COBLL1: variants seen among roughly 807,000 people sequenced by gnomAD.
The protein encoded by COBLL1 is cordon-bleu WH2 repeat protein like 1.
Under a neutral mutation model 94.8 loss-of-function variants are expected in COBLL1, and 50 were observed. The observed-to-expected ratio is 0.53, with a 90% CI of 0.42 to 0.67. COBLL1 has a LOEUF of 0.67. Among genes scored for constraint, COBLL1 ranks in the 30% least tolerant of loss-of-function variants. The pLI, the probability that COBLL1 is intolerant of heterozygous loss-of-function variation, is 0.00. For missense variants in COBLL1, 1,362 were observed against 1,348.7 expected, an observed-to-expected ratio of 1.01 and a Z score of -0.15; for synonymous variants, 448 against 473.8, an observed-to-expected ratio of 0.95 and a Z score of 0.71.
chr2:164,805,519 C>T (rs6709273), intron 2 of COBLL1, among the ~76,000 whole-genome samples: 5,146 of 148,462 alleles, frequency 0.035, 291 homozygotes, highest in African/African-American at 0.12. Context: ...TTCCGCATCT[C>T]AAATCCCTAG....
At chr2:164,780,146 T>G (rs1380351157) in intron 2 of COBLL1, among the ~76,000 whole-genome samples, 1 of 152,154 alleles carries the variant, frequency 6.6e-6, no homozygotes, top group Non-Finnish European at 1.5e-5. Flanking sequence ...AAGCTATCTG[T>G]GTGACCTGGA....
At chr2:164,781,104 G>A (rs902031398) in intron 2 of COBLL1, among the ~76,000 whole-genome samples, 2 of 152,102 alleles carry the variant, frequency 1.3e-5, no homozygotes, top group East Asian at 1.9e-4. Flanking sequence ...AAAGTTTACT[G>A]CTTCAAAATC....
At chr2:164,727,011 C>T (rs547410467) in intron 5 of COBLL1, 27 of 566,758 alleles carry the variant, frequency 4.8e-5, no homozygotes, top group Non-Finnish European at 7.5e-5. Context: ...AGAATGAACA[C>T]GTTAGTGATG....
At chr2:164,787,026 A>G (rs989253998) in intron 2 of COBLL1, among the ~76,000 whole-genome samples, 4 of 152,120 alleles carry the variant, frequency 2.6e-5, no homozygotes, top group Non-Finnish European at 5.9e-5. Flanking sequence ...ATTAACAACC[A>G]TTCCTTCGCC....
At chr2:164,773,128 A>G (rs1688290203) in intron 2 of COBLL1, among the ~76,000 whole-genome samples, 1 of 96,712 alleles carries the variant, frequency 1.0e-5, no homozygotes, top group Admixed American at 9.0e-5. Flanking sequence ...CAGGGGAAAG[A>G]GTGCCAATCT....
chr2:164,705,987 T>C (rs186258345), intron 7 of COBLL1, among the ~76,000 whole-genome samples: 49 of 152,296 alleles, frequency 3.2e-4, no homozygotes, highest in Admixed American at 6.5e-4. Context: ...TGAGCCAAGA[T>C]TGCGCCATTG....
intron 2 of COBLL1, among the ~76,000 whole-genome samples, chr2:164,827,330 T>G (rs756641628): frequency 6.6e-6 from 1 of 152,190 alleles, no homozygotes; most frequent in African/African-American, 2.4e-5. Context: ...GTCGATTTGT[T>G]GCCAAAAACA....
At chr2:164,745,731 G>T (rs555570849) in intron 2 of COBLL1, among the ~76,000 whole-genome samples, 36 of 152,224 alleles carry the variant, frequency 2.4e-4, no homozygotes, top group African/African-American at 8.4e-4. Flanking sequence ...GGGTTTTGGA[G>T]AATGAATAGA....
chr2:164,717,244 TAAA>T (rs1685215518), intron 7 of COBLL1, among the ~76,000 whole-genome samples: 1 of 152,200 alleles, frequency 6.6e-6, no homozygotes, highest in South Asian at 2.1e-4. Context: ...CAATAAAAAT[TAAA>T]TAAAAGTGTC....
intron 5 of COBLL1, chr2:164,722,793 A>AT (rs1415082212): frequency 5.1e-6 from 1 of 196,804 alleles, no homozygotes; most frequent in African/African-American, 2.3e-5. Context: ...CACAAACTCA[A>AT]TTTTTTTGAC....
At chr2:164,812,733 G>A (rs1371904908) in intron 2 of COBLL1, among the ~76,000 whole-genome samples, 1 of 151,922 alleles carries the variant, frequency 6.6e-6, no homozygotes, top group Non-Finnish European at 1.5e-5. Context: ...ATATATTAGA[G>A]TACGCATTTG....
chr2:164,777,058 A>G (rs1177320499), intron 2 of COBLL1, among the ~76,000 whole-genome samples: 1 of 152,144 alleles, frequency 6.6e-6, no homozygotes, highest in Non-Finnish European at 1.5e-5. Context: ...AAAATTAGTG[A>G]TTATTAACTC....
chr2:164,763,271 G>GA (rs748179334), intron 2 of COBLL1, among the ~76,000 whole-genome samples: 5 of 149,202 alleles, frequency 3.4e-5, no homozygotes, highest in African/African-American at 7.5e-5. Context: ...TATCAGGTTT[G>GA]AAAAAAATGT....
At chr2:164,823,526 C>G (rs1001167675) in intron 2 of COBLL1, among the ~76,000 whole-genome samples, 1 of 152,144 alleles carries the variant, frequency 6.6e-6, no homozygotes, top group Non-Finnish European at 1.5e-5. Context: ...ACCAGAACTC[C>G]TCATGTGTCC....
intron 2 of COBLL1, among the ~76,000 whole-genome samples, chr2:164,808,205 G>C (rs1684288073): frequency 6.6e-6 from 1 of 152,144 alleles, no homozygotes. Flanking sequence ...CTTTCCTTCT[G>C]ACCCAATCTG....
chr2:164,671,813 T>G (rs1558904099), intron 1 of COBLL1, among the ~76,000 whole-genome samples: 4 of 152,108 alleles, frequency 2.6e-5, no homozygotes, highest in Admixed American at 6.5e-5. Flanking sequence ...ATGGACTCAT[T>G]AACCTCCTAG....
At chr2:164,757,921 T>G (rs1006561113) in intron 2 of COBLL1, among the ~76,000 whole-genome samples, 4 of 152,082 alleles carry the variant, frequency 2.6e-5, no homozygotes, top group Non-Finnish European at 5.9e-5. Context: ...GGATGTTTAC[T>G]TTTTGAACAG....
At chr2:164,729,375 C>A (rs1337726595) in intron 4 of COBLL1, among the ~76,000 whole-genome samples, 2 of 151,360 alleles carry the variant, frequency 1.3e-5, no homozygotes, top group African/African-American at 4.8e-5. Context: ...TTAATAAGAA[C>A]TGATATTAGA....
At chr2:164,784,452 A>G (rs1688854054) in intron 2 of COBLL1, among the ~76,000 whole-genome samples, 1 of 152,214 alleles carries the variant, frequency 6.6e-6, no homozygotes, top group South Asian at 2.1e-4. Context: ...ACACTGCTAA[A>G]GCATACAGAA....
Sources: allele counts gnomAD v4.1 joint callset (sites outside exome capture counted in the v4.1 genomes callset), GRCh38; gene constraint gnomAD v4.1.1; transcripts MANE v1.5; gene names NCBI Gene and HGNC (gene_info 2026-07-23, HGNC 2026-07-21).